The following RYR3 variants were observed in gnomAD, a reference collection of about 807,000 sequenced individuals.
The protein encoded by RYR3 is brain ryanodine receptor-calcium release channel.
A neutral mutation model predicts 584.3 loss-of-function variants in RYR3; 207 were observed. That is an observed-to-expected ratio of 0.35 (90% CI 0.32 to 0.40). The LOEUF (loss-of-function observed/expected upper bound fraction) is 0.40, where lower values mean the gene tolerates loss of function less well. RYR3 is among the 10% of genes least tolerant of loss of function. The pLI, the probability that RYR3 is intolerant of heterozygous loss-of-function variation, is 1.00. For synonymous variants in RYR3, 2,416 were observed against 2,248.5 expected (o/e 1.07, Z -2.11); for missense variants, 5,616 against 6,089.2 (o/e 0.92, Z 2.59).
chr15:33,726,357 C>T, intron 45 of RYR3, 29 bp from the exon 46 acceptor site: 3 of 1,611,836 alleles, frequency 1.9e-6, no homozygotes, highest in Non-Finnish European at 2.5e-6. Flanking sequence ...CCTCACTTAT[C>T]TAATGTCATT....
intron 2 of RYR3, 75 bp downstream of exon 2, chr15:33,473,613 G>C: frequency 6.8e-7 from 1 of 1,468,926 alleles, no homozygotes; most frequent in Non-Finnish European, 9.4e-7. Flanking sequence ...GATACTGCTG[G>C]GAGATGGTGA....
rs530599266 is a variant in RYR3, at chr15:33,708,344, C to A, written c.6619+1290C>A. Among the ~76,000 whole-genome samples the A allele has an allele frequency of 2.0e-5, 3 of 152,160 alleles. No homozygotes were observed. In the East Asian group the frequency reaches 5.8e-4, roughly 29 times the overall value. On this transcript the variant is annotated intron_variant, in intron 43 of 103. Transcript: ENST00000634891. ...AGAACCAATTTATTCATCTTGGTCA[C>A]CTTCACAGTCAAGATCAAGAGCTTT...
intron 46 of RYR3, 67 bp from the exon 47 acceptor site, chr15:33,728,790 C>A: frequency 6.9e-7 from 1 of 1,454,080 alleles, no homozygotes; most frequent in Non-Finnish European, 9.3e-7. Flanking sequence ...GACAGACAAG[C>A]TCTGTGTTAT....
intron 1 of RYR3, among the ~76,000 whole-genome samples, chr15:33,421,418 C>T (rs369377180): frequency 7.9e-5 from 12 of 152,036 alleles, no homozygotes; most frequent in South Asian, 2.1e-4. Flanking sequence ...ACTAGGATAA[C>T]GACATTGAGG....
intron 1 of RYR3, among the ~76,000 whole-genome samples, chr15:33,316,917 A>C (rs1968256693): frequency 6.6e-6 from 1 of 152,232 alleles, no homozygotes; most frequent in African/African-American, 2.4e-5. Context: ...GGCTCACCCC[A>C]GGATCTCTGG....
chr15:33,756,596 C>G (rs192546501), intron 59 of RYR3, among the ~76,000 whole-genome samples: 259 of 152,240 alleles, frequency 1.7e-3, no homozygotes, highest in Non-Finnish European at 3.2e-3. Flanking sequence ...GGTTCTTCCT[C>G]TCTTGCTACT....
intron 12 of RYR3, among the ~76,000 whole-genome samples, chr15:33,578,876 A>C (rs2058451746): frequency 6.6e-6 from 1 of 152,026 alleles, no homozygotes; most frequent in Non-Finnish European, 1.5e-5. Flanking sequence ...AGATAGGTCC[A>C]TTTCCCCTTC....
At chr15:33,557,837 G>A (rs1456437670) in intron 10 of RYR3, among the ~76,000 whole-genome samples, 2 of 152,150 alleles carry the variant, frequency 1.3e-5, no homozygotes, top group Non-Finnish European at 2.9e-5. Context: ...TTATGACGTG[G>A]TCATGAGCAT....
Position 33,323,276 on chromosome 15 carries a change from T to A in RYR3, c.51+12180T>A, listed in dbSNP as rs1401332363. ...ACAGGCACCCGCCACCATGCCCAGC[T>A]TTTTTGTATTTTTAGTAGAGACGGG... On this transcript the variant is annotated intron_variant, in intron 1 of 103. Coordinates refer to ENST00000634891, the MANE Select transcript of RYR3 (RefSeq NM_001036.6). Among the ~76,000 whole-genome samples the A allele has an allele frequency of 4.0e-5, 6 of 151,822 alleles. No homozygotes were observed. In the East Asian group the frequency reaches 1.2e-3, roughly 29 times the overall value.
chr15:33,419,586 C>T (rs999850415), intron 1 of RYR3, among the ~76,000 whole-genome samples: 19 of 152,316 alleles, frequency 1.2e-4, no homozygotes, highest in African/African-American at 4.6e-4. Context: ...TGCTGACAGG[C>T]TCTGTCAAAC....
chr15:33,649,437 T>G (rs887322594), intron 31 of RYR3, among the ~76,000 whole-genome samples: 1 of 152,234 alleles, frequency 6.6e-6, no homozygotes, highest in Non-Finnish European at 1.5e-5. Context: ...AGTTTCATCA[T>G]GTGTATAAAT....
At chr15:33,553,464 A>G (rs1008835629) in intron 10 of RYR3, among the ~76,000 whole-genome samples, 4 of 152,140 alleles carry the variant, frequency 2.6e-5, no homozygotes, top group African/African-American at 9.7e-5. Context: ...TGTGCATAAG[A>G]TGGAGGTGTG....
At chr15:33,812,295 A>G (rs924062648) in intron 72 of RYR3, among the ~76,000 whole-genome samples, 3 of 152,156 alleles carry the variant, frequency 2.0e-5, no homozygotes, top group Non-Finnish European at 4.4e-5. Flanking sequence ...ATTACAAAGC[A>G]CATCAGGAAA....
rs186312737 is a variant in RYR3 at position 33,756,618 on chromosome 15, G to A, written c.8583+245G>A. On this transcript the variant is annotated intron_variant, in intron 59 of 103. Transcript: ENST00000634891. Reference sequence around the variant, plus strand: ...CCTCTCTTGCTACTCCACCATCTCCGGAGGTGTGGCCTGTGTGCGTGGTTC... The same window carrying A: ...CCTCTCTTGCTACTCCACCATCTCCAGAGGTGTGGCCTGTGTGCGTGGTTC... Among the ~76,000 whole-genome samples, 348 of 152,196 alleles carry A rather than the reference G, an allele frequency of 2.3e-3. 3 individuals are homozygous for A. Among genetic ancestry groups the A allele is most frequent in the Non-Finnish European group, 4.2e-3 (285 of 68,002 alleles).
intron 1 of RYR3, among the ~76,000 whole-genome samples, chr15:33,404,394 A>G (rs1385792375): frequency 3.3e-5 from 5 of 152,214 alleles, no homozygotes; most frequent in Non-Finnish European, 5.9e-5. Flanking sequence ...AACGTCACAC[A>G]GACTGGGGTG....
intron 3 of RYR3, among the ~76,000 whole-genome samples, chr15:33,509,545 A>G (rs761670865): frequency 2.6e-5 from 4 of 152,246 alleles, no homozygotes; most frequent in Non-Finnish European, 5.9e-5. Flanking sequence ...ATGTTTTAAT[A>G]TTACATTTTT....
chr15:33,320,010 C>T (rs920260830), intron 1 of RYR3, among the ~76,000 whole-genome samples: 10 of 152,138 alleles, frequency 6.6e-5, no homozygotes, highest in African/African-American at 2.4e-4. Context: ...AGAGGCGGGC[C>T]TGATCTGTAC....
At chr15:33,590,282 GCAGGTCT>G (rs1258692406) in intron 16 of RYR3, among the ~76,000 whole-genome samples, 1 of 152,172 alleles carries the variant, frequency 6.6e-6, no homozygotes, top group Non-Finnish European at 1.5e-5. Context: ...ACATATACGT[GCAGGTCT>G]CAGGGGATAC....
chr15:33,608,780 A>C (rs1232991850), intron 18 of RYR3, among the ~76,000 whole-genome samples: 2 of 152,238 alleles, frequency 1.3e-5, no homozygotes, highest in African/African-American at 4.8e-5. Context: ...GGAAACGTCT[A>C]CGTTGAGCCC....
Sources: gnomAD v4.1 joint callset for allele counts (sites outside exome capture counted in the v4.1 genomes callset) on GRCh38, gnomAD v4.1.1 for gene constraint, MANE v1.5 for transcripts, NCBI Gene and HGNC (gene_info 2026-07-23, HGNC 2026-07-21) for gene names.